GABRG3: variants seen among roughly 807,000 people sequenced by gnomAD.
GABRG3 encodes the protein gamma-aminobutyric acid receptor subunit gamma-3.
GABRG3 carries 25 observed loss-of-function variants against 48.8 expected under a neutral mutation model. The ratio of observed to expected loss-of-function variants is 0.51; its 90% CI spans 0.37 to 0.72. GABRG3 has a LOEUF of 0.72. Among genes scored for constraint, GABRG3 ranks in the 30% least tolerant of loss-of-function variants. GABRG3 has a pLI of 0.00. For missense variants in GABRG3, 394 were observed against 577.9 expected (o/e 0.68, Z 3.26); for synonymous variants, 227 against 217.6 (o/e 1.04, Z -0.38).
intron 3 of GABRG3, among the ~76,000 whole-genome samples, chr15:27,092,697 T>C (rs1468896306): frequency 2.0e-5 from 3 of 152,192 alleles, no homozygotes; most frequent in Non-Finnish European, 4.4e-5. Context: ...AAATATGTGT[T>C]TGCTTTGTGT....
At chr15:27,229,128 AACTT>A (rs1344643101) in intron 3 of GABRG3, among the ~76,000 whole-genome samples, 3 of 152,076 alleles carry the variant, frequency 2.0e-5, no homozygotes, top group Non-Finnish European at 4.4e-5. Context: ...CTTTGTCACG[AACTT>A]TTTGCCCGTT....
intron 3 of GABRG3, among the ~76,000 whole-genome samples, chr15:27,276,392 C>A (rs1314766873): frequency 6.6e-6 from 1 of 152,144 alleles, no homozygotes; most frequent in East Asian, 1.9e-4. Flanking sequence ...AGGCTGTTTG[C>A]TGCAGAGGTT....
chr15:27,137,688 C>T (rs1898033986), intron 3 of GABRG3, among the ~76,000 whole-genome samples: 1 of 152,130 alleles, frequency 6.6e-6, no homozygotes, highest in Non-Finnish European at 1.5e-5. Context: ...TTTTCAAACA[C>T]AGAGTTCACA....
chr15:27,053,555 CCATTGTGGAGAG>C (rs1322296758), intron 3 of GABRG3, among the ~76,000 whole-genome samples: 2 of 152,092 alleles, frequency 1.3e-5, no homozygotes. Context: ...ATTGGTTCAG[CCATTGTGGAGAG>C]CATTTTGGAG....
chr15:26,972,079 G>A (rs1042304276), intron 1 of GABRG3, among the ~76,000 whole-genome samples: 1 of 152,070 alleles, frequency 6.6e-6, no homozygotes, highest in South Asian at 2.1e-4. Context: ...AGGCGCGGGG[G>A]GATTGGAACC....
chr15:27,507,252 C>T (rs569384030), intron 6 of GABRG3, among the ~76,000 whole-genome samples: 1 of 152,120 alleles, frequency 6.6e-6, no homozygotes, highest in Admixed American at 6.5e-5. Flanking sequence ...CACCTGTAAT[C>T]CCAGTATTTT....
intron 3 of GABRG3, among the ~76,000 whole-genome samples, chr15:27,119,482 T>C (rs1478576877): frequency 1.3e-5 from 2 of 152,212 alleles, no homozygotes; most frequent in Non-Finnish European, 2.9e-5. Context: ...ATGATAGTTA[T>C]CTACTGCTGT....
rs145903920 is a variant in GABRG3, at chr15:27,526,269, G to A, written c.866-1164G>A. ...TTCTCCACCTGGCCCTGGCAGAACTGCCTTGAGTAGATGCAGGGAGGAATT... is the reference window on the plus strand; with the variant it reads ...TTCTCCACCTGGCCCTGGCAGAACTACCTTGAGTAGATGCAGGGAGGAATT... On this transcript the variant is annotated intron_variant, in intron 7 of 9. Coordinates refer to ENST00000615808, the MANE Select transcript of GABRG3 (RefSeq NM_033223.5). Among the ~76,000 whole-genome samples the A allele has an allele frequency of 2.8e-3, 429 of 152,350 alleles. 3 individuals are homozygous for A. Among genetic ancestry groups the A allele is most frequent in the African/African-American group, 9.9e-3 (413 of 41,584 alleles).
At chr15:27,354,639 T>G (rs557111401) in intron 5 of GABRG3, among the ~76,000 whole-genome samples, 1 of 152,322 alleles carries the variant, frequency 6.6e-6, no homozygotes, top group South Asian at 2.1e-4. Flanking sequence ...ATTTTCTGAT[T>G]TTTATGGGTT....
At chr15:27,491,837 C>T (rs1890362838) in intron 6 of GABRG3, among the ~76,000 whole-genome samples, 1 of 152,188 alleles carries the variant, frequency 6.6e-6, no homozygotes, top group African/African-American at 2.4e-5. Context: ...TCTGTTACTC[C>T]CTGTAGTCGT....
chr15:27,360,166 G>A (rs1051859773), intron 5 of GABRG3, among the ~76,000 whole-genome samples: 3 of 152,142 alleles, frequency 2.0e-5, no homozygotes, highest in Admixed American at 1.3e-4. Flanking sequence ...CCCTGCGGAG[G>A]ACAGGGAAGC....
chr15:27,495,767 T>C (rs1440920993), intron 6 of GABRG3, among the ~76,000 whole-genome samples: 3 of 152,260 alleles, frequency 2.0e-5, no homozygotes, highest in African/African-American at 7.2e-5. Flanking sequence ...GAAAGCATTT[T>C]TTGAGGGCGA....
intron 9 of GABRG3, chr15:27,530,992 C>G: frequency 3.5e-6 from 1 of 282,382 alleles, no homozygotes; most frequent in Non-Finnish European, 7.1e-6. Context: ...TATGTTTTAG[C>G]AAATGCTTGG....
Position 27,371,869 on chromosome 15 carries a change from C to T in GABRG3, c.574+42981C>T, listed in dbSNP as rs138176762. The stretch of plus-strand genomic sequence containing the variant: ...ATACTATTTAAAATTAGAACATAGA[C>T]GTGATGGGCAACATACAATTTGATA... On this transcript the variant is annotated intron_variant, in intron 5 of 9. Coordinates refer to ENST00000615808, the MANE Select transcript of GABRG3 (RefSeq NM_033223.5). Among the ~76,000 whole-genome samples, 648 of 152,122 alleles carry T rather than the reference C, an allele frequency of 4.3e-3. 6 individuals carry two copies. Among genetic ancestry groups the T allele is most frequent in the African/African-American group, 0.014 (597 of 41,506 alleles).
At chr15:27,266,355 T>C (rs952612673) in intron 3 of GABRG3, among the ~76,000 whole-genome samples, 7 of 152,232 alleles carry the variant, frequency 4.6e-5, no homozygotes, top group Non-Finnish European at 1.0e-4. Context: ...CATTGGTTTT[T>C]ACCTTTGTCA....
intron 5 of GABRG3, among the ~76,000 whole-genome samples, chr15:27,374,994 ACC>A (rs1232604572): frequency 6.6e-6 from 1 of 151,560 alleles, no homozygotes; most frequent in Non-Finnish European, 1.5e-5. Context: ...ATGGTCATAT[ACC>A]CCTCTTCTTA....
intron 5 of GABRG3, among the ~76,000 whole-genome samples, chr15:27,383,784 T>G (rs1438604251): frequency 6.6e-6 from 1 of 152,198 alleles, no homozygotes; most frequent in Non-Finnish European, 1.5e-5. Context: ...ACGTGTTAAT[T>G]CCAAAAAATA....
At chr15:27,405,506 A>G (rs1182243107) in intron 5 of GABRG3, among the ~76,000 whole-genome samples, 1 of 152,218 alleles carries the variant, frequency 6.6e-6, no homozygotes, top group East Asian at 1.9e-4. Flanking sequence ...GTAATTGGTA[A>G]AGCTGATGGT....
intron 3 of GABRG3, among the ~76,000 whole-genome samples, chr15:27,073,096 G>A (rs1330130161): frequency 6.6e-6 from 1 of 152,202 alleles, no homozygotes; most frequent in African/African-American, 2.4e-5. Context: ...GTGACTTGAT[G>A]TGTCCAGGGA....
Sources: allele counts gnomAD v4.1 joint callset (sites outside exome capture counted in the v4.1 genomes callset), GRCh38; gene constraint gnomAD v4.1.1; transcripts MANE v1.5; gene names NCBI Gene and HGNC (gene_info 2026-07-23, HGNC 2026-07-21).